Variants in NUBP1 observed in about 807,000 individuals in gnomAD.
NUBP1 encodes the protein cytosolic Fe-S cluster assembly factor NUBP1.
Under a neutral mutation model 41.8 loss-of-function variants are expected in NUBP1, and 46 were observed. The observed-to-expected ratio is 1.10, with a 90% confidence interval of 0.87 to 1.41. The LOEUF (loss-of-function observed/expected upper bound fraction) is 1.41. Among genes scored for constraint, NUBP1 ranks in the 40% most tolerant of loss-of-function variants. The pLI, the probability that NUBP1 is intolerant of heterozygous loss-of-function variation, is 0.00. For synonymous variants in NUBP1, 189 were observed against 154.6 expected (o/e 1.22, Z -1.65); for missense variants, 494 against 414.0 (o/e 1.19, Z -1.68).
At position 10,766,741 on chromosome 16, in the gene NUBP1, C is replaced by T; in HGVS notation, c.821-1208C>T. On this transcript the variant is annotated intron_variant, in intron 9 of 10. Transcript: ENST00000283027. The surrounding 1 kb of genome is among the most constrained non-coding windows in gnomAD (Gnocchi z 4.8). Reference sequence around the variant, plus strand: ...CTCCACGGTGTGGGAGGAGAACGGGCCTGAGAATAGGGGCTCAAAGGCCCC... The same window carrying T: ...CTCCACGGTGTGGGAGGAGAACGGGTCTGAGAATAGGGGCTCAAAGGCCCC... 1 of 394,354 alleles carries T rather than the reference C, an allele frequency of 2.5e-6. No homozygotes were observed. 24.4% of individuals were successfully genotyped at this position (394,354 alleles called of 1,614,324 possible).
chr16:10,747,124 A>G lies in NUBP1; in HGVS notation c.125-19A>G. On this transcript the variant is annotated intron_variant, in intron 2 of 10. Coordinates refer to ENST00000283027, the MANE Select transcript of NUBP1 (RefSeq NM_002484.4). ...TTTGGTGTGGGACCTCATCCCCTGA[A>G]CTTTGGTTTTCTTTGCAGCTATAGA... 1 of 1,613,566 alleles carries G rather than the reference A, an allele frequency of 6.2e-7. No homozygotes were observed. Among genetic ancestry groups the G allele is most frequent in the Non-Finnish European group, 8.5e-7 (1 of 1,179,594 alleles).
rs1353224888 is a variant in NUBP1, at chr16:10,761,611, G to A, written c.717+137G>A. 9 of 977,578 alleles carry A rather than the reference G, an allele frequency of 9.2e-6. No homozygotes were observed. The East Asian group carries it at 2.1e-4, about 22-fold the overall frequency. The allele number at this position is 977,578 out of a possible 1,614,324, so 60.6% of individuals were successfully genotyped here. ...GGAATCACAATTAAAATCCCTTTCT[G>A]CTGACTAAAGGAAAGTTCTTTAGGT... On this transcript the variant is annotated intron_variant, in intron 8 of 10. Coordinates refer to ENST00000283027, the MANE Select transcript of NUBP1 (RefSeq NM_002484.4).
chr16:10,758,558 A>G (rs1900731055), intron 7 of NUBP1, among the ~76,000 whole-genome samples: 1 of 152,142 alleles, frequency 6.6e-6, no homozygotes, highest in African/African-American at 2.4e-5. Context: ...TTTTTAGTCC[A>G]TGGATTAAAC....
At chr16:10,764,431 G>A (rs1488383745) in intron 9 of NUBP1, among the ~76,000 whole-genome samples, 2 of 151,310 alleles carry the variant, frequency 1.3e-5, no homozygotes, top group Non-Finnish European at 2.9e-5. Context: ...ATCTCAGTCT[G>A]CTGGAGTATG....
In NUBP1 at chr16:10,758,141, C is replaced by T. The variant is rs1004096191; in HGVS notation, c.606+114C>T. On this transcript the variant is annotated intron_variant, in intron 7 of 10. Coordinates refer to ENST00000283027, the MANE Select transcript of NUBP1 (RefSeq NM_002484.4). Reference sequence around the variant, plus strand: ...CCAAGGCTCTTCCCAGTGTGTGTTCCGCAGCTGCATCTGATGTGGGTCTGC... The same window carrying T: ...CCAAGGCTCTTCCCAGTGTGTGTTCTGCAGCTGCATCTGATGTGGGTCTGC... 5.6e-5 allele frequency: 68 copies of T among 1,224,048 alleles called. 1 individual carries two copies. The highest frequency in any genetic ancestry group is 5.6e-4 in the Middle Eastern group (2 of 3,574). 75.8% of individuals were successfully genotyped at this position (1,224,048 alleles called of 1,614,324 possible).
intron 2 of NUBP1, among the ~76,000 whole-genome samples, chr16:10,745,556 C>T (rs935847118): frequency 6.6e-6 from 1 of 152,164 alleles, no homozygotes; most frequent in African/African-American, 2.4e-5. Context: ...AGCTTGAGGG[C>T]GTGCCCTGGA....
chr16:10,752,816 A>G lies in NUBP1; in HGVS notation c.327+138A>G, dbSNP rs538703692. The G allele has an allele frequency of 1.5e-4, 108 of 721,922 alleles. 1 individual carries two copies. The South Asian group carries it at 1.8e-3, about 12-fold the overall frequency. The allele number at this position is 721,922 out of a possible 1,614,324, so 44.7% of individuals were successfully genotyped here. A position where few individuals can be genotyped will look rare whatever the true frequency, so the allele number is the denominator to read the frequency against. ...GTTGTTTTGTTTTGTTGTTTTTGAGACAAGGTCTCACTCTTGTCGCCCGGG... is the reference window on the plus strand; with the variant it reads ...GTTGTTTTGTTTTGTTGTTTTTGAGGCAAGGTCTCACTCTTGTCGCCCGGG... On this transcript the variant is annotated intron_variant, in intron 4 of 10. Transcript: ENST00000283027.
At chr16:10,761,313 T>G (rs745996416) in intron 7 of NUBP1, 51 bp from the exon 8 acceptor site, 2 of 1,551,548 alleles carry the variant, frequency 1.3e-6, no homozygotes, top group East Asian at 4.5e-5. Flanking sequence ...GCACAGACAT[T>G]CCCTTTCTCG....
At position 10,757,800 on chromosome 16, in the gene NUBP1, A is replaced by T. The variant is rs371658315; in HGVS notation, c.452-73A>T. 6.4e-7 allele frequency: 1 copy of T among 1,555,518 alleles called. No homozygotes were observed. The highest frequency in any genetic ancestry group is 1.2e-5 in the South Asian group (1 of 86,006). On this transcript the variant is annotated intron_variant, in intron 6 of 10. Coordinates refer to ENST00000283027, the MANE Select transcript of NUBP1 (RefSeq NM_002484.4). The surrounding 1 kb of genome is among the most constrained non-coding windows in gnomAD (Gnocchi z 4.1). ...CAACATAGCAAGACCCCATCCTTTA[A>T]AAAAAAAAGAGGGAGTTGAAAGTAC... is the stretch of plus-strand genomic sequence containing the variant.
At position 10,767,269 on chromosome 16, in the gene NUBP1, C is replaced by T; in HGVS notation, c.821-680C>T. On this transcript the variant is annotated intron_variant, in intron 9 of 10. Coordinates refer to ENST00000283027, the MANE Select transcript of NUBP1 (RefSeq NM_002484.4). The surrounding 1 kb of genome is among the most constrained non-coding windows in gnomAD (Gnocchi z 4.6). ...CCCTAGCCCCTTGTGTCCTGTCCAC[C>T]TGGCTCTGGGATAACATGGTCCTAG... 2.5e-6 allele frequency: 1 copy of T among 399,090 alleles called. No individual in the cohort carries two copies. The highest frequency in any genetic ancestry group is 4.4e-6 in the Non-Finnish European group (1 of 226,438). 24.7% of individuals were successfully genotyped at this position (399,090 alleles called of 1,614,324 possible).
intron 9 of NUBP1, chr16:10,764,971 G>A (rs1446846971): frequency 4.6e-5 from 8 of 172,494 alleles, no homozygotes; most frequent in Non-Finnish European, 7.6e-5. Flanking sequence ...CAGCCACCAG[G>A]GCATTCCTGA....
At chr16:10,750,964 C>T (rs368343575) in intron 3 of NUBP1, among the ~76,000 whole-genome samples, 1 of 152,158 alleles carries the variant, frequency 6.6e-6, no homozygotes. Context: ...CTTTGCTTTT[C>T]TGGCCTAACC....
chr16:10,767,338 A>C lies in NUBP1; in HGVS notation c.821-611A>C, dbSNP rs2031037930. 2.5e-6 allele frequency: 1 copy of C among 399,468 alleles called. No homozygotes were observed. Among genetic ancestry groups the C allele is most frequent in the Admixed American group, 4.4e-5 (1 of 22,794 alleles). The allele number at this position is 399,468 out of a possible 1,614,324, so 24.7% of individuals were successfully genotyped here. A position where few individuals can be genotyped will look rare whatever the true frequency, so the allele number is the denominator to read the frequency against. ...AGGAGGGGACTGGAACAATGGCCAC[A>C]TGGCGGGGAAAGACTAGCAGACTGA... On this transcript the variant is annotated intron_variant, in intron 9 of 10. Transcript: ENST00000283027. The surrounding 1 kb of genome is among the most constrained non-coding windows in gnomAD (Gnocchi z 4.6).
intron 9 of NUBP1, among the ~76,000 whole-genome samples, chr16:10,764,123 C>T (rs572591986): frequency 1.0e-4 from 15 of 150,640 alleles, no homozygotes; most frequent in South Asian, 8.4e-4. Context: ...TCTCAGCCCA[C>T]GGGAGCATCC....
chr16:10,762,147 C>G (rs2030017878), intron 9 of NUBP1: 1 of 284,826 alleles, frequency 3.5e-6, no homozygotes, highest in Non-Finnish European at 6.7e-6. Flanking sequence ...CTGAGGAGGG[C>G]ACCCGATAGA....
At position 10,757,780 on chromosome 16, in the gene NUBP1, TA is replaced by T; in HGVS notation, c.452-92del. The stretch of plus-strand genomic sequence containing the variant: ...GAGTTAAGAGCCAACCTGGGCAACA[TA>T]GCAAGACCCCATCCTTTAAAAAAAA... On this transcript the variant is annotated intron_variant, in intron 6 of 10. Coordinates refer to ENST00000283027, the MANE Select transcript of NUBP1 (RefSeq NM_002484.4). The surrounding 1 kb of genome is among the most constrained non-coding windows in gnomAD (Gnocchi z 4.1). 6.6e-7 allele frequency: 1 copy of T among 1,504,682 alleles called. No homozygotes were observed. The highest frequency in any genetic ancestry group is 9.0e-7 in the Non-Finnish European group (1 of 1,109,450). The allele number at this position is 1,504,682 out of a possible 1,614,324, so 93.2% of individuals were successfully genotyped here. A position where few individuals can be genotyped will look rare whatever the true frequency, so the allele number is the denominator to read the frequency against.
At chr16:10,744,900 G>C (rs1332308582) in intron 2 of NUBP1, among the ~76,000 whole-genome samples, 1 of 151,996 alleles carries the variant, frequency 6.6e-6, no homozygotes, top group African/African-American at 2.4e-5. Flanking sequence ...TGGGACTACA[G>C]GCGCCTGCCA....
intron 4 of NUBP1, among the ~76,000 whole-genome samples, chr16:10,754,962 T>C (rs1401217720): frequency 6.6e-6 from 1 of 152,134 alleles, no homozygotes; most frequent in Non-Finnish European, 1.5e-5. Flanking sequence ...GGAGAATCAC[T>C]TGAACCTGGG....
intron 3 of NUBP1, among the ~76,000 whole-genome samples, chr16:10,750,866 C>T (rs1359855971): frequency 6.6e-6 from 1 of 152,224 alleles, no homozygotes; most frequent in Non-Finnish European, 1.5e-5. Flanking sequence ...GCATCTCCAC[C>T]TTCTGCAGCA....
Sources: allele counts gnomAD v4.1 joint callset (sites outside exome capture counted in the v4.1 genomes callset), GRCh38; gene constraint gnomAD v4.1.1; non-coding constraint Gnocchi (gnomAD v3.1); transcripts MANE v1.5; gene names NCBI Gene and HGNC (gene_info 2026-07-23, HGNC 2026-07-21).